KCNH6: variants seen among roughly 807,000 people sequenced by gnomAD.
KCNH6 encodes the protein voltage-gated inwardly rectifying potassium channel KCNH6.
Under a neutral mutation model 83.4 loss-of-function variants are expected in KCNH6, and 81 were observed. The ratio of observed to expected loss-of-function variants is 0.97; its 90% confidence interval spans 0.81 to 1.17. KCNH6 has a LOEUF of 1.17. Ranked by LOEUF, KCNH6 falls within the 50% of genes most tolerant of loss-of-function variation. The probability of loss-of-function intolerance (pLI) is 0.00; values close to 1 mark genes in which losing one functional copy is unlikely to be tolerated. For missense variants in KCNH6, 1,203 were observed against 1,290.5 expected, an observed-to-expected ratio of 0.93 and a Z score of 1.04; for synonymous variants, 503 against 545.6, an observed-to-expected ratio of 0.92 and a Z score of 1.09.
In KCNH6 at chr17:63,535,791, C is replaced by G. The variant is rs775596369; in HGVS notation, c.1224C>G (p.Phe408Leu). ...TGCTCTTCTTGCTCATGTGCACCTTCGCGCTCATAGCGCACTGGCTGGCCT... is the reference window on the plus strand; with the variant it reads ...TGCTCTTCTTGCTCATGTGCACCTTGGCGCTCATAGCGCACTGGCTGGCCT... ...AAVLFLLMCT[F>L]ALIAHWLACI... Residue 408 changes from phenylalanine (F) to leucine (L), a missense_variant, in exon 6 of 13, where the codon TTC (phenylalanine) becomes TTG (leucine). Transcript: ENST00000314672. The surrounding 1 kb of genome is among the most constrained non-coding windows in gnomAD (Gnocchi z 4.9). 6.2e-7 allele frequency: 1 copy of G among 1,614,144 alleles called. No homozygotes were observed. The highest frequency in any genetic ancestry group is 8.5e-7 in the Non-Finnish European group (1 of 1,180,060).
intron 10 of KCNH6, chr17:63,543,870 G>A (rs555104060): frequency 6.3e-6 from 4 of 631,952 alleles, no homozygotes; most frequent in African/African-American, 5.5e-5. Context: ...GCAGAGTGAG[G>A]GCTCTGTGGT....
intron 2 of KCNH6, among the ~76,000 whole-genome samples, chr17:63,524,860 A>G (rs577960823): frequency 6.6e-6 from 1 of 152,236 alleles, no homozygotes; most frequent in East Asian, 1.9e-4. Flanking sequence ...GTTTTCCCTG[A>G]CCAAGAAGCT....
At position 63,543,515 on chromosome 17, in the gene KCNH6, G is replaced by A; in HGVS notation, c.2149-61G>A. 3 of 1,049,796 alleles carry A rather than the reference G, an allele frequency of 2.9e-6. No individual in the cohort carries two copies. In the South Asian group the frequency reaches 3.8e-5, roughly 13 times the overall value. The allele number at this position is 1,049,796 out of a possible 1,614,324, so 65.0% of individuals were successfully genotyped here. ...AGCACCATGGGGTCAGGGCAGGGAAGAACAAAGAGGCCCCATCCCAGCTTT... is the reference window on the plus strand; with the variant it reads ...AGCACCATGGGGTCAGGGCAGGGAAAAACAAAGAGGCCCCATCCCAGCTTT... On this transcript the variant is annotated intron_variant, in intron 9 of 12. Coordinates refer to ENST00000314672, the MANE Select transcript of KCNH6 (RefSeq NM_001278919.2).
chr17:63,532,740 C>T (rs1398900079), intron 4 of KCNH6, among the ~76,000 whole-genome samples: 1 of 152,154 alleles, frequency 6.6e-6, no homozygotes, highest in African/African-American at 2.4e-5. Flanking sequence ...TTTCCTAAAT[C>T]AGAACTATCC....
chr17:63,539,288 G>A (rs559888159), intron 8 of KCNH6, among the ~76,000 whole-genome samples: 69 of 152,186 alleles, frequency 4.5e-4, no homozygotes, highest in Middle Eastern at 3.4e-3. Flanking sequence ...CCATGACCTG[G>A]CTATCCTCCA....
intron 10 of KCNH6, 111 bp downstream of exon 10, chr17:63,543,771 G>A: frequency 1.4e-6 from 1 of 726,852 alleles, no homozygotes; most frequent in Non-Finnish European, 2.5e-6. Context: ...TCCATGAGTG[G>A]AGAGGGGCTC....
rs766596307 is a variant in KCNH6, at chr17:63,534,075, C to T, written c.865C>T (p.Arg289Trp). The T allele has an allele frequency of 2.7e-5, 43 of 1,613,280 alleles. No individual in the cohort carries two copies. Among genetic ancestry groups the T allele is most frequent in the African/African-American group, 8.0e-5 (6 of 74,642 alleles). The change falls in exon 5 of 13, where the codon CGG becomes TGG. Residue 289 changes from arginine (R) to tryptophan (W), a missense_variant. Arg to Trp is a moderately radical substitution (Grantham distance 101). Coordinates refer to ENST00000314672, the MANE Select transcript of KCNH6 (RefSeq NM_001278919.2). The surrounding 1 kb of genome is among the most constrained non-coding windows in gnomAD (Gnocchi z 5.0). ...CCTGCTCAGCGATCAGGACGAATCA[C>T]GGCGTGGGGCCTGCAGCTATACCTG... is the stretch of plus-strand genomic sequence containing the variant. ...AFLLSDQDESRRGACSYTCSP... is the reference protein window; with the variant it reads ...AFLLSDQDESWRGACSYTCSP...
Position 63,538,513 on chromosome 17 carries a change from G to T in KCNH6, c.1805G>T (p.Cys602Phe), listed in dbSNP as rs760929843. Residue 602 changes from cysteine to phenylalanine, a missense_variant, in exon 8 of 13, where the codon TGC (cysteine) becomes TTC (phenylalanine). Cys to Phe is a radical substitution (Grantham distance 205). Transcript: ENST00000314672. The surrounding 1 kb of genome is among the most constrained non-coding windows in gnomAD (Gnocchi z 4.0). ...CPAFSGAGKG[C>F]LRALAVKFKT... ...GCTTTCAGCGGCGCCGGCAAGGGCT[G>T]CCTGCGCGCGCTAGCCGTCAAGTTC... 1.2e-6 allele frequency: 2 copies of T among 1,604,648 alleles called. No homozygotes were observed. The highest frequency in any genetic ancestry group is 1.7e-6 in the Non-Finnish European group (2 of 1,176,138).
Position 63,545,156 on chromosome 17 carries a change from C to A in KCNH6, c.2475C>A (p.Ser825Arg), listed in dbSNP as rs746954524. 1.1e-5 allele frequency: 17 copies of A among 1,613,840 alleles called. No individual in the cohort carries two copies. The Admixed American group carries it at 2.0e-4, about 19-fold the overall frequency. The part of the protein sequence containing the change: ...LQKPMPQGHA[S>R]YILEAPASND... ...AGCCCATGCCCCAGGGCCACGCCAG[C>A]TACATTCTGGAAGCCCCTGCCTCCA... Residue 825 changes from serine to arginine, a missense_variant, in exon 12 of 13, where the codon AGC becomes AGA. By Grantham distance (110) the Ser-to-Arg change is moderately radical. Coordinates refer to ENST00000314672, the MANE Select transcript of KCNH6 (RefSeq NM_001278919.2).
chr17:63,543,877 T>C, intron 10 of KCNH6: 1 of 635,156 alleles, frequency 1.6e-6, no homozygotes. Context: ...GAGGGCTCTG[T>C]GGTTCAAATG....
intron 11 of KCNH6, among the ~76,000 whole-genome samples, 187 bp downstream of exon 11, chr17:63,544,598 G>A (rs1299802613): frequency 6.6e-6 from 1 of 152,076 alleles, no homozygotes; most frequent in Non-Finnish European, 1.5e-5. Context: ...ACATGCCAAG[G>A]GAGCTTCTCG....
intron 11 of KCNH6, 101 bp downstream of exon 11, chr17:63,544,512 G>A: frequency 3.9e-6 from 4 of 1,033,386 alleles, no homozygotes; most frequent in Non-Finnish European, 5.3e-6. Flanking sequence ...AATGGGGCAG[G>A]CCATTTAGCT....
intron 8 of KCNH6, among the ~76,000 whole-genome samples, chr17:63,540,297 G>A (rs201486888): frequency 6.6e-6 from 1 of 152,090 alleles, no homozygotes; most frequent in East Asian, 1.9e-4. Context: ...GCCCGGCATG[G>A]TGGCGGGTGC....
At position 63,542,435 on chromosome 17, in the gene KCNH6, G is replaced by A. The variant is rs764955692; in HGVS notation, c.2148+1G>A. 2.2e-5 allele frequency: 36 copies of A among 1,613,478 alleles called. No individual in the cohort carries two copies. The highest frequency in any genetic ancestry group is 2.7e-5 in the African/African-American group (2 of 74,908). On this transcript the variant is annotated splice_donor_variant, in intron 9 of 12. Coordinates refer to ENST00000314672, the MANE Select transcript of KCNH6 (RefSeq NM_001278919.2). LOFTEE classifies it high-confidence loss of function. The stretch of plus-strand genomic sequence containing the variant: ...GGAGGTCACCTTCAACCTGCGGGAC[G>A]TGAGTCAGGGCCAGGTGGGCCAGGG...
intron 8 of KCNH6, 58 bp from the exon 9 acceptor site, chr17:63,542,183 C>T (rs937239820): frequency 6.4e-7 from 1 of 1,569,362 alleles, no homozygotes; most frequent in African/African-American, 1.4e-5. Context: ...GTCAAAGGAC[C>T]CTCATAAGGG....
chr17:63,524,659 C>T (rs1263778011), intron 2 of KCNH6, among the ~76,000 whole-genome samples: 4 of 152,230 alleles, frequency 2.6e-5, no homozygotes, highest in Non-Finnish European at 5.9e-5. Flanking sequence ...CACTATCTTA[C>T]TGTCAGCCCC....
Position 63,533,114 on chromosome 17 carries a change from GTC to G in KCNH6, c.676-767_676-766del, listed in dbSNP as rs1263356746. Among the ~76,000 whole-genome samples the G allele has an allele frequency of 6.7e-6, 1 of 149,778 alleles. No individual in the cohort carries two copies. Among genetic ancestry groups the G allele is most frequent in the Non-Finnish European group, 1.5e-5 (1 of 66,780 alleles). On this transcript the variant is annotated intron_variant, in intron 4 of 12. Transcript: ENST00000314672. This position sits in a 1 kb window ranked among gnomAD's most constrained non-coding sequence, Gnocchi z 4.1. The stretch of plus-strand genomic sequence containing the variant: ...CCATGCCCTTCCTAATGCCCTGGCT[GTC>G]TCTCATGTTGGGCAGCTGGGCAGAG...
In KCNH6 at chr17:63,538,299, T is replaced by G. The variant is rs200838663; in HGVS notation, c.1701+35T>G. 7 of 1,608,790 alleles carry G rather than the reference T, an allele frequency of 4.4e-6. No homozygotes were observed. In the Admixed American group the frequency reaches 1.0e-4, roughly 23 times the overall value. On this transcript the variant is annotated intron_variant, in intron 7 of 12. Coordinates refer to ENST00000314672, the MANE Select transcript of KCNH6 (RefSeq NM_001278919.2). The surrounding 1 kb of genome is among the most constrained non-coding windows in gnomAD (Gnocchi z 4.0). ...GCCGCTCCGGCTAATGCCCCGGGCGTGGGGGGGAGCCAAGATCCTGCGGGG... is the reference window on the plus strand; with the variant it reads ...GCCGCTCCGGCTAATGCCCCGGGCGGGGGGGGGAGCCAAGATCCTGCGGGG...
downstream of KCNH6, chr17:63,548,774 ATT>A (rs2033196142): frequency 6.6e-6 from 1 of 152,016 alleles, no homozygotes; most frequent in South Asian, 2.1e-4. Context: ...TCCTTTTTAA[ATT>A]TGTTTTTAAA....
Sources: allele counts gnomAD v4.1 joint callset (sites outside exome capture counted in the v4.1 genomes callset), GRCh38; gene constraint gnomAD v4.1.1; non-coding constraint Gnocchi (gnomAD v3.1); transcripts MANE v1.5; gene names NCBI Gene and HGNC (gene_info 2026-07-23, HGNC 2026-07-21).